Variants in EEIG1 observed in about 807,000 individuals in gnomAD.
The protein encoded by EEIG1 is estrogen-induced osteoclastogenesis regulator 1.
the EEIG1 span, chr9:127,972,699 C>CA: frequency 6.6e-6 from 1 of 152,270 alleles, no homozygotes; most frequent in African/African-American, 2.4e-5. This position sits in a 1 kb window ranked among gnomAD's most constrained non-coding sequence, Gnocchi z 4.3. Flanking sequence ...AGGCCTCTGT[C>CA]AGAGCTCTTC....
chr9:127,951,303 A>C, the EEIG1 span, among the ~76,000 whole-genome samples: 1 of 152,328 alleles, frequency 6.6e-6, no homozygotes, highest in Non-Finnish European at 1.5e-5. Flanking sequence ...CCTCCTGCCC[A>C]GCTCTGCTCC....
chr9:127,950,597 G>A, the EEIG1 span: 1 of 1,588,096 alleles, frequency 6.3e-7, no homozygotes, highest in South Asian at 1.1e-5. Flanking sequence ...CTGGCTGGCG[G>A]AAGCCCAGAA....
the EEIG1 span, among the ~76,000 whole-genome samples, chr9:127,978,453 G>C: frequency 4.7e-4 from 72 of 152,162 alleles, no homozygotes; most frequent in Non-Finnish European, 8.4e-4. Context: ...AGGGAGCAAA[G>C]GGCAGACCAG....
At chr9:127,966,161 A>AG in the EEIG1 span, among the ~76,000 whole-genome samples, 1 of 152,200 alleles carries the variant, frequency 6.6e-6, no homozygotes, top group Non-Finnish European at 1.5e-5. Flanking sequence ...GAAAAGGGGC[A>AG]GGGCATGGGC....
At chr9:127,961,424 T>C in the EEIG1 span, among the ~76,000 whole-genome samples, 1 of 152,132 alleles carries the variant, frequency 6.6e-6, no homozygotes, top group Non-Finnish European at 1.5e-5. Context: ...GAGCCCCAGG[T>C]TGGGAGCTGG....
At chr9:127,978,553 G>C in the EEIG1 span, among the ~76,000 whole-genome samples, 1 of 143,738 alleles carries the variant, frequency 7.0e-6, no homozygotes, top group Admixed American at 7.3e-5. Flanking sequence ...AGAGAGGCCG[G>C]GTGCAGTGGC....
the EEIG1 span, among the ~76,000 whole-genome samples, chr9:127,975,585 C>T: frequency 2.6e-5 from 4 of 152,144 alleles, no homozygotes; most frequent in African/African-American, 7.2e-5. Flanking sequence ...ATCAGCTCCT[C>T]CTGTAAGTGG....
At chr9:127,957,127 G>T in the EEIG1 span, among the ~76,000 whole-genome samples, 1 of 152,070 alleles carries the variant, frequency 6.6e-6, no homozygotes, top group Non-Finnish European at 1.5e-5. Flanking sequence ...TACTCAGGAG[G>T]TTTAGATGGG....
the EEIG1 span, among the ~76,000 whole-genome samples, chr9:127,948,960 G>C: frequency 2.0e-5 from 3 of 152,242 alleles, no homozygotes; most frequent in African/African-American, 7.2e-5. Context: ...AGGCAGAGAT[G>C]AGCAAGTGGA....
the EEIG1 span, among the ~76,000 whole-genome samples, chr9:127,951,748 C>T: frequency 2.8e-5 from 4 of 143,014 alleles, no homozygotes; most frequent in Admixed American, 7.5e-5. Flanking sequence ...ACCCGGGAGG[C>T]GGAGCTTGTA....
chr9:127,950,651 T>C, the EEIG1 span: 2 of 1,505,984 alleles, frequency 1.3e-6, no homozygotes, highest in Non-Finnish European at 1.8e-6. Context: ...ATAAAGCCCC[T>C]GGGCCAGCCC....
the EEIG1 span, among the ~76,000 whole-genome samples, chr9:127,965,106 CAAAAAAAAAAAAAAAAAAAAAAAA>C: frequency 8.9e-4 from 62 of 69,720 alleles, 1 homozygote; most frequent in African/African-American, 3.3e-3. Flanking sequence ...AAGACTGTCT[CAAAAAAAAAAAAAAAAAAAAAAAA>C]AAAAAAAAAA....
At chr9:127,954,127 A>C in the EEIG1 span, among the ~76,000 whole-genome samples, 2 of 152,230 alleles carry the variant, frequency 1.3e-5, no homozygotes, top group Non-Finnish European at 2.9e-5. Flanking sequence ...AAACGTAATA[A>C]AAATGAGACA....
chr9:127,954,643 C>T, the EEIG1 span, among the ~76,000 whole-genome samples: 1 of 152,206 alleles, frequency 6.6e-6, no homozygotes, highest in Non-Finnish European at 1.5e-5. Flanking sequence ...GCCACATCAT[C>T]AGCTCAATCC....
chr9:127,943,061 C>T, the EEIG1 span: 12 of 800,324 alleles, frequency 1.5e-5, no homozygotes, highest in Non-Finnish European at 2.6e-5. Context: ...GGAGTGTGGA[C>T]TGGAGTGCAT....
chr9:127,956,757 C>T, the EEIG1 span, among the ~76,000 whole-genome samples: 1 of 152,040 alleles, frequency 6.6e-6, no homozygotes, highest in African/African-American at 2.4e-5. Flanking sequence ...CTCTATGGCC[C>T]AGGCTGGAGT....
chr9:127,977,340 A>G, the EEIG1 span, among the ~76,000 whole-genome samples: 2 of 152,226 alleles, frequency 1.3e-5, no homozygotes, highest in African/African-American at 4.8e-5. Context: ...GACCCTGTGG[A>G]CTAAGACCTG....
the EEIG1 span, among the ~76,000 whole-genome samples, chr9:127,956,599 CG>C: frequency 1.6e-4 from 24 of 151,984 alleles, no homozygotes; most frequent in Non-Finnish European, 2.6e-4. Flanking sequence ...TTGGTAGAGA[CG>C]GGGTTTCACT....
the EEIG1 span, among the ~76,000 whole-genome samples, chr9:127,947,263 C>CAAAAAAAA: frequency 1.3e-4 from 12 of 94,660 alleles, no homozygotes; most frequent in Admixed American, 2.2e-4. Context: ...ACTAAAAATA[C>CAAAAAAAA]AAAAAAAAAA....
Sources: gnomAD v4.1 joint callset for allele counts (sites outside exome capture counted in the v4.1 genomes callset) on GRCh38, gnomAD v4.1.1 for gene constraint, Gnocchi (gnomAD v3.1) non-coding constraint, MANE v1.5 for transcripts, NCBI Gene and HGNC (gene_info 2026-07-23, HGNC 2026-07-21) for gene names.